C2: variants seen among roughly 807,000 people sequenced by gnomAD.
C2 encodes complement C2.
C2 carries 64 observed loss-of-function variants against 85.2 expected under a neutral mutation model. The ratio of observed to expected loss-of-function variants is 0.75; its 90% CI spans 0.61 to 0.92. The LOEUF is 0.92. Among genes scored for constraint, C2 ranks in the 40% least tolerant of loss-of-function variants. C2 has a pLI of 0.00. For synonymous variants in C2, 311 were observed against 370.8 expected, an observed-to-expected ratio of 0.84 and a Z score of 1.85; for missense variants, 820 against 971.6, an observed-to-expected ratio of 0.84 and a Z score of 2.07.
chr6:31,945,141 G>A lies in C2; in HGVS notation c.2080-37G>A, dbSNP rs1244838478. On this transcript the variant is annotated intron_variant, in intron 17 of 17. Transcript: ENST00000299367. This position sits in a 1 kb window ranked among gnomAD's most constrained non-coding sequence, Gnocchi z 5.3. ...GAGGTTGGGGCTTACAGTTGGGGCT[G>A]TGGCAGCCTCCCAGCCAGTTCTCTC... The A allele has an allele frequency of 1.2e-6, 2 of 1,611,778 alleles. No individual in the cohort carries two copies. Among genetic ancestry groups the A allele is most frequent in the Admixed American group, 1.7e-5 (1 of 59,988 alleles).
At chr6:31,917,615 AG>A (rs150739717), upstream of C2, among the ~76,000 whole-genome samples, 7,736 of 145,404 alleles carry the variant, frequency 0.053, 245 homozygotes, top group African/African-American at 0.057. Flanking sequence ...TTTTAAAAAA[AG>A]AAAAAAAGGC....
chr6:31,943,237 TC>T lies in C2; in HGVS notation c.1374del (p.Thr459GlnfsTer45). 1.2e-6 allele frequency: 2 copies of T among 1,612,904 alleles called. No individual in the cohort carries two copies. Among genetic ancestry groups the T allele is most frequent in the Non-Finnish European group, 1.7e-6 (2 of 1,179,974 alleles). On this transcript the variant is annotated frameshift_variant, in exon 11 of 18. Transcript: ENST00000299367. LOFTEE classifies it high-confidence loss of function. The surrounding 1 kb of genome is among the most constrained non-coding windows in gnomAD (Gnocchi z 6.4). ...VFEHMLDVSK[L>X]TDTICGVGNM... ...CTCACACCCACAGATGTCTCCAAGC[TC>T]ACAGACACCATCTGCGGGGTGGGGA...
chr6:31,925,323 C>T (rs1769197346), upstream of C2, among the ~76,000 whole-genome samples: 1 of 151,940 alleles, frequency 6.6e-6, no homozygotes, highest in Non-Finnish European at 1.5e-5. Flanking sequence ...GACAGAGTCT[C>T]CCTATGTCAC....
intron 3 of C2, among the ~76,000 whole-genome samples, chr6:31,929,976 C>T (rs1411128770): frequency 6.6e-6 from 1 of 151,716 alleles, no homozygotes; most frequent in Non-Finnish European, 1.5e-5. Context: ...CGTGCCACTG[C>T]ACTCCAGCCT....
chr6:31,944,289 C>T lies in C2; in HGVS notation c.1902+63C>T. ...TGACAGCTCCCAGAATGTCTCTCTT[C>T]CTTCTCCAGGTCTGGCTGCTTTCTC... On this transcript the variant is annotated intron_variant, in intron 15 of 17. Coordinates refer to ENST00000299367, the MANE Select transcript of C2 (RefSeq NM_000063.6). This position sits in a 1 kb window ranked among gnomAD's most constrained non-coding sequence, Gnocchi z 5.1. The T allele has an allele frequency of 8.5e-7, 1 of 1,175,362 alleles. No individual in the cohort carries two copies. Among genetic ancestry groups the T allele is most frequent in the Non-Finnish European group, 1.3e-6 (1 of 782,488 alleles). The allele number at this position is 1,175,362 out of a possible 1,614,324, so 72.8% of individuals were successfully genotyped here.
chr6:31,902,355 C>A (rs1392650449), intron 1 of C2, among the ~76,000 whole-genome samples: 3 of 151,854 alleles, frequency 2.0e-5, no homozygotes, highest in Admixed American at 6.6e-5. Context: ...CTGCCCATGG[C>A]GCTACTCGCT....
Position 31,943,810 on chromosome 6 carries a change from G to A in C2, c.1733+1G>A. ...AAGTAAAGATGTCCACCCATGCCAG[G>A]TGCCTGGAGTCTGGGATGGGAGGGT... is the stretch of plus-strand genomic sequence containing the variant. On this transcript the variant is annotated splice_donor_variant, in intron 13 of 17. Coordinates refer to ENST00000299367, the MANE Select transcript of C2 (RefSeq NM_000063.6). LOFTEE classifies it high-confidence loss of function. This position sits in a 1 kb window ranked among gnomAD's most constrained non-coding sequence, Gnocchi z 6.4. 1.2e-6 allele frequency: 2 copies of A among 1,613,034 alleles called. No homozygotes were observed. Among genetic ancestry groups the A allele is most frequent in the Non-Finnish European group, 8.5e-7 (1 of 1,179,990 alleles).
At position 31,933,701 on chromosome 6, in the gene C2, C is replaced by G. The variant is rs535295353; in HGVS notation, c.534C>G (p.Ser178=). Residue 178 remains serine (S), a synonymous_variant, in exon 4 of 18, where the codon TCC becomes TCG. Transcript: ENST00000299367. ...GGGACAAGGTCCGCTATCGCTGCTC[C>G]TCGAATCTTGTGCTCACGGGGTCTT... The part of the protein sequence containing the change: ...GHGDKVRYRC[S]SNLVLTGSSE... 6.2e-7 allele frequency: 1 copy of G among 1,613,266 alleles called. No homozygotes were observed. The highest frequency in any genetic ancestry group is 1.3e-5 in the African/African-American group (1 of 75,070).
In C2 at chr6:31,922,466, T is replaced by G. The variant is rs1769042209; in HGVS notation, c.-100+2440T>G. On this transcript the variant is annotated intron_variant, in intron 1 of 3. Transcript: ENST00000413154. This position sits in a 1 kb window ranked among gnomAD's most constrained non-coding sequence, Gnocchi z 4.8. ...CTATATGCCACGTTTCCTCAGAAAT[T>G]TTCAGCTGCAAGGTGCTGAGCTCTC... 6.6e-6 allele frequency among the ~76,000 whole-genome samples: 1 copy of G among 152,048 alleles called. No homozygotes were observed. Among genetic ancestry groups the G allele is most frequent in the African/African-American group, 2.4e-5 (1 of 41,370 alleles).
At chr6:31,928,208 C>G in intron 2 of C2, 44 bp downstream of exon 2, 1 of 1,549,928 alleles carries the variant, frequency 6.5e-7, no homozygotes, top group Non-Finnish European at 8.7e-7. Flanking sequence ...ACACCAGGGG[C>G]CACCCCAGAA....
At position 31,945,299 on chromosome 6, in the gene C2, G is replaced by A. The variant is rs146067615; in HGVS notation, c.2201G>A (p.Arg734His). 61 of 1,612,838 alleles carry A rather than the reference G, an allele frequency of 3.8e-5. No homozygotes were observed. Among genetic ancestry groups the A allele is most frequent in the Non-Finnish European group, 4.7e-5 (56 of 1,180,022 alleles). ...CGAGACTTTCACATCAATCTCTTCC[G>A]CATGCAGCCCTGGCTGAGGCAGCAC... Reference protein sequence around the residue: ...PPRDFHINLFRMQPWLRQHLG... With the variant: ...PPRDFHINLFHMQPWLRQHLG... The change falls in exon 18 of 18, where the codon CGC becomes CAC. Residue 734 changes from arginine to histidine, a missense_variant. Physicochemically the swap from Arg to His is conservative, Grantham distance 29 (BLOSUM62 0). Coordinates refer to ENST00000299367, the MANE Select transcript of C2 (RefSeq NM_000063.6). The surrounding 1 kb of genome is among the most constrained non-coding windows in gnomAD (Gnocchi z 5.3).
chr6:31,923,265 A>C (rs1013578715), upstream of C2, among the ~76,000 whole-genome samples: 24 of 152,278 alleles, frequency 1.6e-4, no homozygotes, highest in African/African-American at 5.1e-4. Context: ...GTGGACTATA[A>C]CTGACTTTTT....
At chr6:31,930,045 A>G (rs1335447881) in intron 3 of C2, among the ~76,000 whole-genome samples, 1 of 151,602 alleles carries the variant, frequency 6.6e-6, no homozygotes, top group South Asian at 2.1e-4. Context: ...ACAAAAAACA[A>G]AAAAAACAGC....
intron 1 of C2, among the ~76,000 whole-genome samples, chr6:31,913,954 G>A (rs685031): frequency 0.73 from 108,981 of 149,616 alleles, 40,152 homozygotes; most frequent in South Asian, 0.85. Flanking sequence ...TTTTTAAGAC[G>A]GAATCTCGCT....
chr6:31,925,385 C>T (rs911926847), upstream of C2, among the ~76,000 whole-genome samples: 5 of 150,522 alleles, frequency 3.3e-5, no homozygotes, highest in African/African-American at 4.9e-5. Flanking sequence ...CTCTGCCTCC[C>T]GGGTTCAAGC....
chr6:31,899,257 C>G (rs1766990134), upstream of C2, among the ~76,000 whole-genome samples: 1 of 148,364 alleles, frequency 6.7e-6, no homozygotes, highest in African/African-American at 2.5e-5. Context: ...CTATCCCCCC[C>G]ACCCCCATGA....
At chr6:31,911,277 A>G (rs1021746883) in intron 1 of C2, among the ~76,000 whole-genome samples, 1 of 152,086 alleles carries the variant, frequency 6.6e-6, no homozygotes, top group Non-Finnish European at 1.5e-5. Context: ...CCAGCCTAGG[A>G]GACAGAGGGA....
chr6:31,902,252 T>G (rs1562540765), intron 1 of C2, among the ~76,000 whole-genome samples: 1 of 149,536 alleles, frequency 6.7e-6, no homozygotes, highest in Non-Finnish European at 1.5e-5. Flanking sequence ...TCGCTCCCCC[T>G]CCTCTGTACC....
chr6:31,935,992 T>C lies in C2; in HGVS notation c.919T>C (p.Ser307Pro), dbSNP rs541199729. ...TGCCTCAGAGCCCAAAGTCCTCATGTCTGTCCTGAACGACAACTCCCGGGA... is the reference window on the plus strand; with the variant it reads ...TGCCTCAGAGCCCAAAGTCCTCATGCCTGTCCTGAACGACAACTCCCGGGA... ...TFASEPKVLM[S>P]VLNDNSRDMT... Residue 307 changes from serine (S) to proline (P), a missense_variant, in exon 7 of 18, where the codon TCT (serine) becomes CCT (proline). Transcript: ENST00000299367. The surrounding 1 kb of genome is among the most constrained non-coding windows in gnomAD (Gnocchi z 4.3). 1 of 1,613,036 alleles carries C rather than the reference T, an allele frequency of 6.2e-7. No individual in the cohort carries two copies. The highest frequency in any genetic ancestry group is 8.5e-7 in the Non-Finnish European group (1 of 1,180,010).
Sources: gnomAD v4.1 joint callset for allele counts (sites outside exome capture counted in the v4.1 genomes callset) on GRCh38, gnomAD v4.1.1 for gene constraint, Gnocchi (gnomAD v3.1) non-coding constraint, MANE v1.5 for transcripts, NCBI Gene and HGNC (gene_info 2026-07-23, HGNC 2026-07-21) for gene names.